Variants in PDGFRL observed in about 807,000 individuals in gnomAD.
PDGFRL encodes platelet-derived growth factor receptor-like protein.
In PDGFRL, 46 loss-of-function variants were observed where a neutral mutation model predicts 37.2. The observed-to-expected ratio is 1.24, with a 90% CI of 0.98 to 1.58. The LOEUF (loss-of-function observed/expected upper bound fraction) is 1.58. Ranked by LOEUF, PDGFRL falls within the 40% of genes most tolerant of loss-of-function variation. The pLI is 0.00. For synonymous variants in PDGFRL, 251 were observed against 184.3 expected, an observed-to-expected ratio of 1.36 and a Z score of -2.93; for missense variants, 692 against 467.6, an observed-to-expected ratio of 1.48 and a Z score of -4.43.
rs10094306 is a variant in PDGFRL at position 17,590,666 on chromosome 8, C to T, written c.353+901C>T. ...TGCAGAGGTTACAGTGAGCCGAGTT[C>T]GTACCACCGCACTCCAGCCTGGGTG... On this transcript the variant is annotated intron_variant, in intron 2 of 5. Transcript: ENST00000251630. 5.9e-5 allele frequency among the ~76,000 whole-genome samples: 9 copies of T among 151,794 alleles called. No individual in the cohort carries two copies. The South Asian group carries it at 1.0e-3, about 18-fold the overall frequency.
At chr8:17,582,580 C>CAAAA (rs541086616) in intron 1 of PDGFRL, among the ~76,000 whole-genome samples, 3 of 107,084 alleles carry the variant, frequency 2.8e-5, no homozygotes, top group African/African-American at 1.1e-4. Context: ...GACTCTGTCT[C>CAAAA]AAAAAAAAAA....
intron 1 of PDGFRL, among the ~76,000 whole-genome samples, chr8:17,586,191 T>G (rs1413628641): frequency 6.6e-6 from 1 of 152,192 alleles, no homozygotes; most frequent in Non-Finnish European, 1.5e-5. Flanking sequence ...TGGCCTCAAG[T>G]GATCCACCTT....
At chr8:17,633,551 A>T (rs934744580) in intron 4 of PDGFRL, among the ~76,000 whole-genome samples, 4 of 152,180 alleles carry the variant, frequency 2.6e-5, no homozygotes, top group African/African-American at 9.7e-5. Context: ...TGTTGAGTGA[A>T]TTCCCCATAA....
At chr8:17,610,718 C>T (rs56987675) in intron 2 of PDGFRL, among the ~76,000 whole-genome samples, 5,339 of 152,226 alleles carry the variant, frequency 0.035, 317 homozygotes, top group African/African-American at 0.12. Flanking sequence ...AAAGAGCAGC[C>T]TGGCCAGTAT....
At chr8:17,635,222 C>T (rs10088661) in intron 5 of PDGFRL, among the ~76,000 whole-genome samples, 126,034 of 152,128 alleles carry the variant, frequency 0.83, 53,189 homozygotes, top group Non-Finnish European at 0.92. Flanking sequence ...TCTGAGATTT[C>T]GGTGTATCCA....
At chr8:17,620,724 T>A (rs554838267) in intron 2 of PDGFRL, among the ~76,000 whole-genome samples, 1 of 152,260 alleles carries the variant, frequency 6.6e-6, no homozygotes, top group East Asian at 1.9e-4. Context: ...TTTTTTGAAT[T>A]GTTGCAAAAA....
At chr8:17,576,880 G>T, upstream of PDGFRL, 1 of 246,174 alleles carries the variant, frequency 4.1e-6, no homozygotes, top group Non-Finnish European at 7.5e-6. Context: ...TTGGACAATC[G>T]TGGTTAAAAG....
intron 2 of PDGFRL, among the ~76,000 whole-genome samples, chr8:17,613,082 T>C (rs2129727599): frequency 6.6e-6 from 1 of 152,352 alleles, no homozygotes; most frequent in Non-Finnish European, 1.5e-5. Context: ...CTAAATCTCT[T>C]GGGTCTCTCC....
rs1331742459 is a variant in PDGFRL, at chr8:17,642,771, C to A, written c.1098C>A (p.Thr366=). ...ICTAQNLQGQ[T]TVATTVEFS ...CTGCTCAGAATCTTCAAGGACAGACCACAGTAGCTACCACTGTTGAGTTTT... is the reference window on the plus strand; with the variant it reads ...CTGCTCAGAATCTTCAAGGACAGACAACAGTAGCTACCACTGTTGAGTTTT... Residue 366 remains threonine (T), a synonymous_variant, in exon 6 of 6, where the codon ACC becomes ACA. Coordinates refer to ENST00000251630, the MANE Select transcript of PDGFRL (RefSeq NM_001372073.1). 6.2e-7 allele frequency: 1 copy of A among 1,609,676 alleles called. No homozygotes were observed. Among genetic ancestry groups the A allele is most frequent in the Admixed American group, 1.7e-5 (1 of 59,908 alleles).
At chr8:17,642,011 C>A (rs1400974782) in intron 5 of PDGFRL, among the ~76,000 whole-genome samples, 1 of 149,468 alleles carries the variant, frequency 6.7e-6, no homozygotes, top group African/African-American at 2.5e-5. Flanking sequence ...GTTGGGTGGA[C>A]ATCTCAAAAG....
intron 4 of PDGFRL, among the ~76,000 whole-genome samples, chr8:17,632,134 C>T (rs1007888325): frequency 9.2e-5 from 14 of 152,314 alleles, no homozygotes; most frequent in African/African-American, 2.6e-4. Context: ...GTCAGGCCTG[C>T]GGCTGGAAGC....
At chr8:17,594,189 A>G (rs1174184733) in intron 2 of PDGFRL, among the ~76,000 whole-genome samples, 2 of 151,950 alleles carry the variant, frequency 1.3e-5, no homozygotes, top group Non-Finnish European at 2.9e-5. Flanking sequence ...GTTGCAGCCT[A>G]TGACGTGGTT....
chr8:17,639,720 A>G (rs1585340082), intron 5 of PDGFRL, among the ~76,000 whole-genome samples: 2 of 152,130 alleles, frequency 1.3e-5, no homozygotes, highest in East Asian at 3.8e-4. Context: ...TCTTTCCTTC[A>G]TCTTCGCTTT....
At chr8:17,582,728 A>G (rs1017689790) in intron 1 of PDGFRL, among the ~76,000 whole-genome samples, 2 of 152,198 alleles carry the variant, frequency 1.3e-5, no homozygotes, top group Non-Finnish European at 2.9e-5. Context: ...ATGAAAGAGC[A>G]TTTTGGGAAA....
chr8:17,580,228 T>A (rs1344463089), intron 1 of PDGFRL, among the ~76,000 whole-genome samples: 1 of 152,084 alleles, frequency 6.6e-6, no homozygotes, highest in African/African-American at 2.4e-5. Context: ...CTGAGAGCAA[T>A]ATAGCCAGAT....
At chr8:17,604,441 T>C (rs1014181474) in intron 2 of PDGFRL, among the ~76,000 whole-genome samples, 2 of 152,080 alleles carry the variant, frequency 1.3e-5, no homozygotes, top group African/African-American at 4.8e-5. Context: ...TGTAGGGACA[T>C]GGATGAAGCT....
At chr8:17,578,012 C>T (rs900782236) in intron 1 of PDGFRL, among the ~76,000 whole-genome samples, 8 of 151,698 alleles carry the variant, frequency 5.3e-5, no homozygotes, top group African/African-American at 1.9e-4. Context: ...TCCACCCTGT[C>T]GTGTACACCC....
At chr8:17,641,545 G>A (rs1371320941) in intron 5 of PDGFRL, among the ~76,000 whole-genome samples, 2 of 152,194 alleles carry the variant, frequency 1.3e-5, no homozygotes, top group East Asian at 1.9e-4. Flanking sequence ...GCTGCTGTGA[G>A]CAGACATCCA....
chr8:17,631,336 G>T (rs2237843), intron 4 of PDGFRL, among the ~76,000 whole-genome samples: 2 of 151,834 alleles, frequency 1.3e-5, no homozygotes, highest in Non-Finnish European at 2.9e-5. Context: ...TGTGGGCAGA[G>T]TCCATCCCCT....
Sources: allele counts gnomAD v4.1 joint callset (sites outside exome capture counted in the v4.1 genomes callset), GRCh38; gene constraint gnomAD v4.1.1; transcripts MANE v1.5; gene names NCBI Gene and HGNC (gene_info 2026-07-23, HGNC 2026-07-21).